NKAIN2: variants seen among roughly 807,000 people sequenced by gnomAD.
NKAIN2 encodes the protein sodium/potassium-transporting ATPase subunit beta-1-interacting protein 2.
In NKAIN2, 14 loss-of-function variants were observed where a neutral mutation model predicts 32.6. That is an observed-to-expected ratio of 0.43 (90% CI 0.28 to 0.67). The LOEUF is 0.67. NKAIN2 is among the 30% of genes least tolerant of loss of function. The probability of loss-of-function intolerance (pLI) is 0.17; values close to 1 mark genes in which losing one functional copy is unlikely to be tolerated. For missense variants in NKAIN2, 198 were observed against 258.3 expected (o/e 0.77, Z 1.60); for synonymous variants, 80 against 87.2 (o/e 0.92, Z 0.46).
intron 1 of NKAIN2, among the ~76,000 whole-genome samples, chr6:124,257,699 A>G (rs1161541527): frequency 1.3e-5 from 2 of 152,132 alleles, no homozygotes; most frequent in African/African-American, 4.8e-5. Flanking sequence ...AAAACCTAGC[A>G]AATGCTTATA....
chr6:124,011,162 A>G (rs1780305161), intron 1 of NKAIN2, among the ~76,000 whole-genome samples: 1 of 152,134 alleles, frequency 6.6e-6, no homozygotes, highest in African/African-American at 2.4e-5. Context: ...CTTTCTGGCC[A>G]CTATTAGTAA....
chr6:123,986,639 A>G (rs1181247866), intron 1 of NKAIN2, among the ~76,000 whole-genome samples: 1 of 152,168 alleles, frequency 6.6e-6, no homozygotes, highest in African/African-American at 2.4e-5. Flanking sequence ...CAGGCCAATT[A>G]GATTATTACC....
At chr6:123,959,929 G>A (rs1052611124) in intron 1 of NKAIN2, among the ~76,000 whole-genome samples, 21 of 30,908 alleles carry the variant, frequency 6.8e-4, no homozygotes, top group East Asian at 2.5e-3. Flanking sequence ...CCATATATGT[G>A]TGTGTGTGTG....
chr6:124,187,273 T>C (rs749891096), intron 1 of NKAIN2, among the ~76,000 whole-genome samples: 1 of 152,232 alleles, frequency 6.6e-6, no homozygotes, highest in East Asian at 1.9e-4. Flanking sequence ...TATTTGACTT[T>C]ATGCCTACTA....
intron 1 of NKAIN2, among the ~76,000 whole-genome samples, chr6:124,101,209 A>G (rs1444264836): frequency 2.6e-5 from 4 of 152,154 alleles, no homozygotes; most frequent in Non-Finnish European, 5.9e-5. Context: ...ACATTAAAGT[A>G]TGCAGAACTG....
At chr6:124,725,117 CA>C (rs1411114219) in intron 4 of NKAIN2, among the ~76,000 whole-genome samples, 1 of 152,196 alleles carries the variant, frequency 6.6e-6, no homozygotes, top group African/African-American at 2.4e-5. Flanking sequence ...CATTTATTTT[CA>C]AATGAACCAT....
intron 1 of NKAIN2, among the ~76,000 whole-genome samples, chr6:124,280,101 G>GTT (rs1234915116): frequency 6.6e-6 from 1 of 152,076 alleles, no homozygotes; most frequent in Non-Finnish European, 1.5e-5. Flanking sequence ...CACATAAACA[G>GTT]CAGCATGTAT....
intron 3 of NKAIN2, among the ~76,000 whole-genome samples, chr6:124,585,164 G>A (rs972803770): frequency 6.6e-6 from 1 of 152,270 alleles, no homozygotes; most frequent in South Asian, 2.1e-4. Context: ...CAAAAACATG[G>A]ATAAAACTGG....
chr6:123,831,817 T>C (rs4897541), intron 1 of NKAIN2, among the ~76,000 whole-genome samples: 59,539 of 151,834 alleles, frequency 0.39, 13,102 homozygotes, highest in Middle Eastern at 0.54. Context: ...TACCACGTCC[T>C]GCTAATTTTT....
chr6:124,773,346 T>G (rs1216185616), intron 4 of NKAIN2, among the ~76,000 whole-genome samples: 1 of 152,086 alleles, frequency 6.6e-6, no homozygotes, highest in Non-Finnish European at 1.5e-5. Flanking sequence ...GGGGGGTCAC[T>G]GGAAGCCTTT....
chr6:124,726,711 G>C (rs1316392452), intron 4 of NKAIN2, among the ~76,000 whole-genome samples: 46 of 143,564 alleles, frequency 3.2e-4, no homozygotes, highest in Admixed American at 7.3e-4. Context: ...GATGGAGAAT[G>C]ACTTTGATGA....
intron 3 of NKAIN2, among the ~76,000 whole-genome samples, chr6:124,371,434 C>T (rs1279124233): frequency 6.6e-6 from 1 of 151,870 alleles, no homozygotes; most frequent in African/African-American, 2.4e-5. Context: ...TGGCTCACAC[C>T]TGTAATCCCA....
chr6:124,736,587 T>C (rs576223096), intron 4 of NKAIN2, among the ~76,000 whole-genome samples: 20 of 152,090 alleles, frequency 1.3e-4, no homozygotes, highest in African/African-American at 4.3e-4. Context: ...CCAAGACTTA[T>C]TTACCATTGC....
In NKAIN2 at chr6:124,238,763, G is replaced by T. The variant is rs551930373; in HGVS notation, c.55-44242G>T. Among the ~76,000 whole-genome samples the T allele has an allele frequency of 1.6e-4, 24 of 152,224 alleles. No individual in the cohort carries two copies. The South Asian group carries it at 5.0e-3, about 32-fold the overall frequency. ...TGTCACCACCAGGCCTGCCTTACAAGAGCTCCTGAAGGAAGCACTAAATAT... is the reference window on the plus strand; with the variant it reads ...TGTCACCACCAGGCCTGCCTTACAATAGCTCCTGAAGGAAGCACTAAATAT... On this transcript the variant is annotated intron_variant, in intron 1 of 6. Transcript: ENST00000368417.
chr6:124,576,662 G>T (rs1468065074), intron 3 of NKAIN2, among the ~76,000 whole-genome samples: 1 of 150,894 alleles, frequency 6.6e-6, no homozygotes, highest in Non-Finnish European at 1.5e-5. Flanking sequence ...AAACAATTAT[G>T]CCAGATAGAC....
At chr6:124,318,106 C>T (rs990815369) in intron 2 of NKAIN2, among the ~76,000 whole-genome samples, 1 of 151,968 alleles carries the variant, frequency 6.6e-6, no homozygotes, top group Non-Finnish European at 1.5e-5. Context: ...GCTAAAGCCT[C>T]ATGAAATAGT....
intron 4 of NKAIN2, among the ~76,000 whole-genome samples, chr6:124,677,571 C>G (rs1363295417): frequency 6.6e-6 from 1 of 152,132 alleles, no homozygotes; most frequent in Non-Finnish European, 1.5e-5. Flanking sequence ...CTATTATAAA[C>G]TAATCACAAC....
chr6:123,920,983 A>G (rs1466072188), intron 1 of NKAIN2, among the ~76,000 whole-genome samples: 3 of 152,180 alleles, frequency 2.0e-5, no homozygotes, highest in Admixed American at 6.5e-5. Context: ...AGGAATTGGG[A>G]TATGACTGTG....
intron 1 of NKAIN2, among the ~76,000 whole-genome samples, chr6:123,970,492 G>A (rs934281571): frequency 3.9e-5 from 6 of 152,208 alleles, no homozygotes; most frequent in Non-Finnish European, 8.8e-5. Flanking sequence ...ATCAGCCTTT[G>A]ACTTTGGTTC....
Sources: gnomAD v4.1 joint callset for allele counts (sites outside exome capture counted in the v4.1 genomes callset) on GRCh38, gnomAD v4.1.1 for gene constraint, MANE v1.5 for transcripts, NCBI Gene and HGNC (gene_info 2026-07-23, HGNC 2026-07-21) for gene names.